CSMD2: variants seen among roughly 807,000 people sequenced by gnomAD.
CSMD2 encodes the protein CUB and sushi domain-containing protein 2.
In CSMD2, 130 loss-of-function variants were observed where a neutral mutation model predicts 398.5. That is an observed-to-expected ratio of 0.33 (90% CI 0.28 to 0.38). The LOEUF (loss-of-function observed/expected upper bound fraction) is 0.38. CSMD2 is among the 10% of genes least tolerant of loss of function. The pLI, the probability that CSMD2 is intolerant of heterozygous loss-of-function variation, is 1.00. For missense variants in CSMD2, 3,829 were observed against 4,764.9 expected, an observed-to-expected ratio of 0.80 and a Z score of 5.78; for synonymous variants, 1,828 against 1,908.5, an observed-to-expected ratio of 0.96 and a Z score of 1.10.
chr1:33,676,729 C>A (rs560275353), intron 25 of CSMD2, among the ~76,000 whole-genome samples: 67 of 152,270 alleles, frequency 4.4e-4, no homozygotes, highest in Non-Finnish European at 7.2e-4. Flanking sequence ...GCTACAGTAA[C>A]CAAAACAGCA....
chr1:33,672,249 G>A (rs1459155599), intron 25 of CSMD2, among the ~76,000 whole-genome samples: 1 of 152,206 alleles, frequency 6.6e-6, no homozygotes, highest in East Asian at 1.9e-4. Flanking sequence ...ACGGCACCTG[G>A]AAAATCGGGT....
At chr1:34,070,368 A>G (rs1289650121) in intron 2 of CSMD2, among the ~76,000 whole-genome samples, 3 of 152,178 alleles carry the variant, frequency 2.0e-5, no homozygotes, top group African/African-American at 7.2e-5. Context: ...ACTGTTGCCC[A>G]AGGCCTTTCT....
chr1:34,038,417 G>A (rs531917505), intron 2 of CSMD2, among the ~76,000 whole-genome samples: 3 of 152,296 alleles, frequency 2.0e-5, no homozygotes, highest in African/African-American at 4.8e-5. Flanking sequence ...ATAGCCAAAC[G>A]TGTAAAACAA....
chr1:34,016,817 T>C (rs1648187929), intron 3 of CSMD2, among the ~76,000 whole-genome samples: 1 of 152,180 alleles, frequency 6.6e-6, no homozygotes, highest in Non-Finnish European at 1.5e-5. Context: ...GATAGAATGA[T>C]TGTATGTATA....
chr1:33,975,981 C>A (rs1435155719), intron 3 of CSMD2, among the ~76,000 whole-genome samples: 1 of 152,242 alleles, frequency 6.6e-6, no homozygotes, highest in Non-Finnish European at 1.5e-5. Context: ...CTCCTGACAT[C>A]CAAATGCAGG....
intron 1 of CSMD2, among the ~76,000 whole-genome samples, chr1:34,120,925 T>G (rs1558419336): frequency 6.6e-6 from 1 of 152,230 alleles, no homozygotes. Flanking sequence ...GCGAGGCATT[T>G]CCAACCACCC....
chr1:33,743,605 G>A lies in CSMD2; in HGVS notation c.1848C>T (p.Phe616=), dbSNP rs1647160468. 1 of 1,587,744 alleles carries A rather than the reference G, an allele frequency of 6.3e-7. No individual in the cohort carries two copies. Among genetic ancestry groups the A allele is most frequent in the Admixed American group, 1.7e-5 (1 of 58,352 alleles). Reference sequence around the variant, plus strand: ...GGCTGGTGAAGTTGAAGAAGCAGGAGACTGCAAGAGAAGAGCAGTGGAGGT... The same window carrying A: ...GGCTGGTGAAGTTGAAGAAGCAGGAAACTGCAAGAGAAGAGCAGTGGAGGT... The part of the protein sequence containing the change: ...QWSAKKPGCV[F]SCFFNFTSPS... Residue 616 remains phenylalanine (F), a splice_region_variant and synonymous_variant, in exon 14 of 71, where the codon TTC becomes TTT. Transcript: ENST00000373381.
At chr1:33,952,082 A>G (rs1645025285) in intron 3 of CSMD2, among the ~76,000 whole-genome samples, 1 of 152,232 alleles carries the variant, frequency 6.6e-6, no homozygotes, top group Non-Finnish European at 1.5e-5. Context: ...AGGCCACAGG[A>G]GCCAAGGTAG....
intron 14 of CSMD2, among the ~76,000 whole-genome samples, chr1:33,740,816 CACACATACACGCGCGCGCGTGCAT>C (rs1215136737): frequency 6.6e-6 from 1 of 152,188 alleles, no homozygotes; most frequent in East Asian, 1.9e-4. Flanking sequence ...CATATGAACA[CACACATACACGCGCGCGCGTGCAT>C]GCGCACACAC....
At chr1:33,776,058 T>C (rs931497879) in intron 12 of CSMD2, among the ~76,000 whole-genome samples, 1 of 152,200 alleles carries the variant, frequency 6.6e-6, no homozygotes, top group Non-Finnish European at 1.5e-5. Context: ...GAGAAGGTGA[T>C]ATCACTCTCT....
At chr1:33,638,780 T>C (rs979809830) in intron 29 of CSMD2, among the ~76,000 whole-genome samples, 4 of 152,200 alleles carry the variant, frequency 2.6e-5, no homozygotes, top group Non-Finnish European at 4.4e-5. Flanking sequence ...AGTGACACTC[T>C]TTGAGCAGCT....
At chr1:33,785,893 C>T (rs936975783) in intron 12 of CSMD2, among the ~76,000 whole-genome samples, 2 of 152,204 alleles carry the variant, frequency 1.3e-5, no homozygotes, top group African/African-American at 4.8e-5. Context: ...ACACAGCTCT[C>T]AAATCTCCCA....
intron 3 of CSMD2, among the ~76,000 whole-genome samples, chr1:33,991,638 C>T (rs1646556702): frequency 6.6e-6 from 1 of 152,168 alleles, no homozygotes; most frequent in South Asian, 2.1e-4. Flanking sequence ...AAGGAAGACA[C>T]GGTCTTGCTG....
intron 19 of CSMD2, among the ~76,000 whole-genome samples, chr1:33,718,680 G>A (rs529783617): frequency 6.6e-6 from 1 of 152,328 alleles, no homozygotes; most frequent in African/African-American, 2.4e-5. Flanking sequence ...GAATCTGCAT[G>A]CTCTTCAGAT....
Position 33,709,259 on chromosome 1 carries a change from C to T in CSMD2, c.3407-1G>A. On this transcript the variant is annotated splice_acceptor_variant, in intron 21 of 70. Transcript: ENST00000373381. LOFTEE classifies it high-confidence loss of function. ...CCTGTGACTGAATTCCCACACTCAG[C>T]TGGAAAGAGAATCACAATAACCATA... 6.2e-7 allele frequency: 1 copy of T among 1,612,012 alleles called. No homozygotes were observed. The highest frequency in any genetic ancestry group is 8.5e-7 in the Non-Finnish European group (1 of 1,178,978).
chr1:33,992,554 T>C (rs1184969605), intron 3 of CSMD2, among the ~76,000 whole-genome samples: 1 of 150,464 alleles, frequency 6.6e-6, no homozygotes, highest in Non-Finnish European at 1.5e-5. Flanking sequence ...TGGAAGCAAC[T>C]TCAATGTCCA....
rs978642136 is a variant in CSMD2 at position 33,636,735 on chromosome 1, G to T, written c.4775-181C>A. On this transcript the variant is annotated intron_variant, in intron 29 of 70. Transcript: ENST00000373381. This position sits in a 1 kb window ranked among gnomAD's most constrained non-coding sequence, Gnocchi z 4.8. ...ACGTCTCTAAATTTGGGTAGAAATT[G>T]AAGGATGGAAATCACATTGAAGAGG... Among the ~76,000 whole-genome samples, 1 of 152,140 alleles carries T rather than the reference G, an allele frequency of 6.6e-6. No individual in the cohort carries two copies. Among genetic ancestry groups the T allele is most frequent in the African/African-American group, 2.4e-5 (1 of 41,422 alleles).
At chr1:34,159,338 C>CT (rs56893007) in intron 1 of CSMD2, among the ~76,000 whole-genome samples, 6,034 of 142,802 alleles carry the variant, frequency 0.042, 388 homozygotes, top group African/African-American at 0.14. Flanking sequence ...GCCCCCCCCC[C>CT]ACCCAGGAGC....
intron 25 of CSMD2, among the ~76,000 whole-genome samples, chr1:33,671,942 C>T (rs115886325): frequency 0.011 from 1,683 of 152,340 alleles, 28 homozygotes; most frequent in African/African-American, 0.037. Context: ...ATTCCCACCT[C>T]CCTGCTTATA....
Sources: gnomAD v4.1 joint callset for allele counts (sites outside exome capture counted in the v4.1 genomes callset) on GRCh38, gnomAD v4.1.1 for gene constraint, Gnocchi (gnomAD v3.1) non-coding constraint, MANE v1.5 for transcripts, NCBI Gene and HGNC (gene_info 2026-07-23, HGNC 2026-07-21) for gene names.